PITPNC1: variants seen among roughly 807,000 people sequenced by gnomAD.
PITPNC1 encodes phosphatidylinositol transfer protein cytoplasmic 1.
A neutral mutation model predicts 44.7 loss-of-function variants in PITPNC1; 18 were observed. The ratio of observed to expected loss-of-function variants is 0.40; its 90% confidence interval spans 0.28 to 0.60. The LOEUF (loss-of-function observed/expected upper bound fraction) is 0.60. Among genes scored for constraint, PITPNC1 ranks in the 20% least tolerant of loss-of-function variants. PITPNC1 has a pLI of 0.39. For synonymous variants in PITPNC1, 141 were observed against 149.6 expected, an observed-to-expected ratio of 0.94 and a Z score of 0.42; for missense variants, 290 against 418.4, an observed-to-expected ratio of 0.69 and a Z score of 2.68.
chr17:67,674,363 G>T (rs2042565341), intron 7 of PITPNC1, among the ~76,000 whole-genome samples: 1 of 152,030 alleles, frequency 6.6e-6, no homozygotes, highest in African/African-American at 2.4e-5. Context: ...AATTAGCCAG[G>T]CATGGTGGTG....
At chr17:67,616,147 G>A (rs1388743753) in intron 5 of PITPNC1, among the ~76,000 whole-genome samples, 1 of 151,936 alleles carries the variant, frequency 6.6e-6, no homozygotes, top group Non-Finnish European at 1.5e-5. Context: ...TTGTTTGTTT[G>A]TTTGTTTGTT....
intron 1 of PITPNC1, among the ~76,000 whole-genome samples, chr17:67,448,975 C>T (rs548129617): frequency 2.0e-5 from 3 of 152,254 alleles, no homozygotes; most frequent in Middle Eastern, 6.8e-3. Context: ...CCATGTTGGC[C>T]GAACTGCTCT....
intron 1 of PITPNC1, among the ~76,000 whole-genome samples, chr17:67,521,921 G>A (rs114337363): frequency 9.3e-4 from 141 of 152,228 alleles, no homozygotes; most frequent in African/African-American, 3.3e-3. Flanking sequence ...CCTTTCTGCC[G>A]GGTCTTTGTC....
At chr17:67,549,472 C>A (rs2040729121) in intron 2 of PITPNC1, among the ~76,000 whole-genome samples, 1 of 152,166 alleles carries the variant, frequency 6.6e-6, no homozygotes. Flanking sequence ...GATTATCGTG[C>A]TGCATATCCT....
chr17:67,383,751 C>T (rs561252370), intron 1 of PITPNC1, among the ~76,000 whole-genome samples: 64 of 152,222 alleles, frequency 4.2e-4, no homozygotes, highest in Middle Eastern at 3.4e-3. Flanking sequence ...ACTGTTTAAC[C>T]GTTCTGGCCA....
rs998165806 is a variant in PITPNC1, at chr17:67,378,045, G to A, written c.-110G>A. The A allele has an allele frequency of 5.3e-6, 3 of 568,002 alleles. No individual in the cohort carries two copies. In the African/African-American group the frequency reaches 6.0e-5, roughly 11 times the overall value. 35.2% of individuals were successfully genotyped at this position (568,002 alleles called of 1,614,324 possible). On this transcript the variant is annotated 5_prime_UTR_variant, in exon 1 of 9. Coordinates refer to ENST00000581322, the MANE Select transcript of PITPNC1 (RefSeq NM_012417.4). ...CGCCGCGGGGGCTGCTTCGCCCTCC[G>A]GCTCCGAGCGCCGGGCTCCGGGCGC... is the stretch of plus-strand genomic sequence containing the variant.
At chr17:67,530,040 G>A (rs1191978666) in intron 1 of PITPNC1, among the ~76,000 whole-genome samples, 2 of 151,684 alleles carry the variant, frequency 1.3e-5, no homozygotes, top group Non-Finnish European at 2.9e-5. Flanking sequence ...TCCTTCTGGA[G>A]GCTGTGGGGT....
intron 1 of PITPNC1, among the ~76,000 whole-genome samples, chr17:67,421,004 G>T (rs747604055): frequency 7.2e-5 from 11 of 152,138 alleles, no homozygotes; most frequent in Non-Finnish European, 1.0e-4. Flanking sequence ...AATATACTGG[G>T]CTCCAGTCTC....
intron 5 of PITPNC1, among the ~76,000 whole-genome samples, chr17:67,599,443 G>A: frequency 6.6e-6 from 1 of 152,132 alleles, no homozygotes. Flanking sequence ...AGAAGGGCAA[G>A]GATGGAACCT....
At chr17:67,523,844 T>C in intron 1 of PITPNC1, among the ~76,000 whole-genome samples, 1 of 133,758 alleles carries the variant, frequency 7.5e-6, no homozygotes, top group African/African-American at 2.9e-5. Context: ...TGAGACAGAG[T>C]CTCTGTCACC....
intron 8 of PITPNC1, among the ~76,000 whole-genome samples, chr17:67,677,812 C>T (rs564585722): frequency 2.6e-5 from 4 of 151,872 alleles, no homozygotes; most frequent in South Asian, 2.1e-4. Flanking sequence ...CCTCGTGATC[C>T]GCCCACCTCA....
chr17:67,667,556 T>C (rs887306928), intron 6 of PITPNC1, among the ~76,000 whole-genome samples: 1 of 149,016 alleles, frequency 6.7e-6, no homozygotes, highest in Non-Finnish European at 1.5e-5. Flanking sequence ...AATTACTGGG[T>C]TTTATATAGT....
At chr17:67,555,459 G>A (rs1313808261) in intron 4 of PITPNC1, among the ~76,000 whole-genome samples, 1 of 152,100 alleles carries the variant, frequency 6.6e-6, no homozygotes, top group African/African-American at 2.4e-5. Flanking sequence ...GTATACAGCA[G>A]GTAATTAAAT....
chr17:67,477,516 A>G (rs1463057766), intron 1 of PITPNC1, among the ~76,000 whole-genome samples: 4 of 151,978 alleles, frequency 2.6e-5, no homozygotes, highest in Non-Finnish European at 5.9e-5. Context: ...AAATGCTGGG[A>G]TTACAGACGT....
At chr17:67,583,934 T>C (rs188372559) in intron 5 of PITPNC1, among the ~76,000 whole-genome samples, 122 of 149,750 alleles carry the variant, frequency 8.1e-4, no homozygotes, top group African/African-American at 2.5e-3. Context: ...AGAGATGGAG[T>C]GTCACTGTGT....
chr17:67,450,411 TA>T (rs2039159103), intron 1 of PITPNC1, among the ~76,000 whole-genome samples: 2 of 151,922 alleles, frequency 1.3e-5, no homozygotes, highest in Non-Finnish European at 2.9e-5. Context: ...ACGTATAAGA[TA>T]AAAATTTACC....
intron 1 of PITPNC1, among the ~76,000 whole-genome samples, chr17:67,494,740 G>C (rs1243317446): frequency 6.6e-6 from 1 of 152,072 alleles, no homozygotes; most frequent in Non-Finnish European, 1.5e-5. Flanking sequence ...GGGAGGCTGA[G>C]GTGAGCAGAT....
chr17:67,609,288 CTTTT>C (rs34987217), intron 5 of PITPNC1, among the ~76,000 whole-genome samples: 1 of 114,298 alleles, frequency 8.7e-6, no homozygotes. Flanking sequence ...CTTCTTCTTC[CTTTT>C]TTTTTTTTTT....
At chr17:67,387,112 C>G (rs2038066131) in intron 1 of PITPNC1, among the ~76,000 whole-genome samples, 1 of 152,150 alleles carries the variant, frequency 6.6e-6, no homozygotes, top group African/African-American at 2.4e-5. Flanking sequence ...AAATAACATC[C>G]AAATCATTCA....
Sources: gnomAD v4.1 joint callset for allele counts (sites outside exome capture counted in the v4.1 genomes callset) on GRCh38, gnomAD v4.1.1 for gene constraint, MANE v1.5 for transcripts, NCBI Gene and HGNC (gene_info 2026-07-23, HGNC 2026-07-21) for gene names.